Variants in PLCH2 observed in about 807,000 individuals in gnomAD.
PLCH2 encodes the protein 1-phosphatidylinositol 4,5-bisphosphate phosphodiesterase eta-2.
PLCH2 carries 98 observed loss-of-function variants against 134.7 expected under a neutral mutation model. The observed-to-expected ratio is 0.73, with a 90% confidence interval of 0.62 to 0.86. The LOEUF (loss-of-function observed/expected upper bound fraction) is 0.86, where lower values mean the gene tolerates loss of function less well. Among genes scored for constraint, PLCH2 ranks in the 40% least tolerant of loss-of-function variants. PLCH2 has a pLI of 0.00. For synonymous variants in PLCH2, 974 were observed against 827.5 expected (o/e 1.18, Z -3.04); for missense variants, 1,994 against 1,986.6 (o/e 1.00, Z -0.07).
intron 2 of PLCH2, chr1:2,479,484 C>T (rs1387671204): frequency 1.1e-5 from 5 of 453,254 alleles, no homozygotes; most frequent in African/African-American, 5.8e-5. Flanking sequence ...GGTGGATGCT[C>T]TCCCTCGTGG....
intron 2 of PLCH2, among the ~76,000 whole-genome samples, chr1:2,454,416 G>A (rs1015464610): frequency 9.9e-5 from 15 of 152,212 alleles, no homozygotes; most frequent in African/African-American, 3.4e-4. Context: ...GGCAGGAGGC[G>A]GCACCACGTG....
intron 2 of PLCH2, among the ~76,000 whole-genome samples, chr1:2,443,189 C>T (rs867108031): frequency 6.2e-4 from 94 of 152,200 alleles, no homozygotes; most frequent in African/African-American, 2.1e-3. Context: ...GGGTGCCCTG[C>T]CACCCTCTTG....
intron 2 of PLCH2, among the ~76,000 whole-genome samples, chr1:2,433,401 G>A (rs183083660): frequency 7.8e-4 from 119 of 152,354 alleles, no homozygotes; most frequent in Non-Finnish European, 1.4e-3. Context: ...GGCCCATCCG[G>A]GCCGGTGTGC....
At chr1:2,492,951 GGTGA>G (rs1247689627) in intron 11 of PLCH2, 1 of 152,174 alleles carries the variant, frequency 6.6e-6, no homozygotes, top group African/African-American at 2.4e-5. Context: ...AGCACAACCC[GGTGA>G]GTGCTTGTGC....
intron 2 of PLCH2, among the ~76,000 whole-genome samples, chr1:2,452,528 G>A (rs1640293949): frequency 2.0e-5 from 3 of 152,200 alleles, no homozygotes; most frequent in Non-Finnish European, 4.4e-5. Flanking sequence ...GGAGGTGAGG[G>A]CTGGTGCTGA....
At chr1:2,442,511 C>T (rs564499960) in intron 2 of PLCH2, among the ~76,000 whole-genome samples, 2 of 152,258 alleles carry the variant, frequency 1.3e-5, no homozygotes, top group Non-Finnish European at 2.9e-5. Flanking sequence ...CTTTCCTCTC[C>T]CTGGCAGGCA....
At chr1:2,425,660 C>T (rs1339194815), upstream of PLCH2, among the ~76,000 whole-genome samples, 7 of 151,500 alleles carry the variant, frequency 4.6e-5, no homozygotes, top group African/African-American at 1.2e-4. Flanking sequence ...ATTACAGGCA[C>T]GTACCACCGC....
chr1:2,494,362 C>T (rs1642755829), intron 11 of PLCH2: 1 of 180,830 alleles, frequency 5.5e-6, no homozygotes, highest in Admixed American at 5.5e-5. Flanking sequence ...CAGCTCAGAA[C>T]CCGCCTCAGG....
chr1:2,423,713 T>G (rs1028179822), upstream of PLCH2, among the ~76,000 whole-genome samples: 18 of 151,794 alleles, frequency 1.2e-4, no homozygotes, highest in African/African-American at 4.3e-4. Context: ...GTAATTTTAC[T>G]GTTATGCAGG....
In PLCH2 at chr1:2,491,214, T is replaced by C. The variant is rs1001017718; in HGVS notation, c.1538T>C (p.Val513Ala). ...CAGGCATCCACCAATCGAAAGCGTG[T>C]AGAAAACACTGCTAAGAGGAAACTG... is the stretch of plus-strand genomic sequence containing the variant. ...NGDASTNRKR[V>A]ENTAKRKLDS... The change falls in exon 11 of 22, where the codon GTA becomes GCA. Residue 513 changes from valine (V) to alanine (A), a missense_variant. This residue lies in a region of PLCH2 where 1,094 missense variants were observed against 1,234.3 expected (regional missense o/e 0.89). Coordinates refer to ENST00000378486, the MANE Select transcript of PLCH2 (RefSeq NM_014638.4). The C allele has an allele frequency of 3.1e-6, 5 of 1,612,810 alleles. No homozygotes were observed. Among genetic ancestry groups the C allele is most frequent in the Non-Finnish European group, 4.2e-6 (5 of 1,179,752 alleles).
rs555781028 is a variant in PLCH2 at position 2,443,701 on chromosome 1, G to T, written c.115+13072G>T. Among the ~76,000 whole-genome samples the T allele has an allele frequency of 8.8e-3, 1,299 of 148,154 alleles. 48 individuals are homozygous for T. The highest frequency in any genetic ancestry group is 0.055 in the Admixed American group (821 of 14,936). The stretch of plus-strand genomic sequence containing the variant: ...CCCGCGCCCCCGGCCCCCTCCCGGC[G>T]CGGGGCGGGCAGGGGGTGTGGTGCG... On this transcript the variant is annotated intron_variant, in intron 2 of 3. Coordinates refer to the PLCH2 transcript ENST00000609981.
At chr1:2,461,835 G>A (rs1301825725) in intron 2 of PLCH2, among the ~76,000 whole-genome samples, 2 of 151,320 alleles carry the variant, frequency 1.3e-5, no homozygotes, top group East Asian at 2.0e-4. Context: ...CACCATGGAA[G>A]GTGGGCAGGG....
chr1:2,472,437 G>A (rs927247128), upstream of PLCH2, among the ~76,000 whole-genome samples: 3 of 152,206 alleles, frequency 2.0e-5, no homozygotes, highest in African/African-American at 7.2e-5. Context: ...CTGGGGCTGC[G>A]AGGGGCAGGG....
At chr1:2,418,284 A>G in the PLCH2 span, among the ~76,000 whole-genome samples, 1 of 152,246 alleles carries the variant, frequency 6.6e-6, no homozygotes, top group East Asian at 1.9e-4. Context: ...AGCGTCCAGC[A>G]TTCCTCTGGG....
chr1:2,436,560 A>T (rs866050391), intron 2 of PLCH2, among the ~76,000 whole-genome samples: 94 of 34,260 alleles, frequency 2.7e-3, no homozygotes, highest in Non-Finnish European at 3.2e-3. Flanking sequence ...TCCTCCCTCC[A>T]CCTTTCCTCC....
chr1:2,452,865 C>T (rs575374631), intron 2 of PLCH2, among the ~76,000 whole-genome samples: 12 of 152,336 alleles, frequency 7.9e-5, no homozygotes, highest in South Asian at 4.1e-4. Context: ...CTTTGTTGCC[C>T]GGAGCTCAGC....
chr1:2,446,041 AG>A (rs59377883), intron 2 of PLCH2, among the ~76,000 whole-genome samples: 6,609 of 152,116 alleles, frequency 0.043, 282 homozygotes, highest in East Asian at 0.18. Flanking sequence ...CGCCGACGGG[AG>A]GGGGGCTGAG....
intron 2 of PLCH2, among the ~76,000 whole-genome samples, chr1:2,456,509 C>G (rs1166544490): frequency 6.6e-6 from 1 of 152,262 alleles, no homozygotes; most frequent in Non-Finnish European, 1.5e-5. Context: ...ACTGTCACCG[C>G]TGCCGGTGCT....
At chr1:2,494,061 G>A (rs765439451) in intron 11 of PLCH2, among the ~76,000 whole-genome samples, 3 of 152,180 alleles carry the variant, frequency 2.0e-5, no homozygotes, top group African/African-American at 4.8e-5. Flanking sequence ...GCAGGCCCAC[G>A]GCTTTGCTGT....
Sources: allele counts gnomAD v4.1 joint callset (sites outside exome capture counted in the v4.1 genomes callset), GRCh38; gene constraint gnomAD v4.1.1; regional missense constraint gnomAD v4.1.1; transcripts MANE v1.5; gene names NCBI Gene and HGNC (gene_info 2026-07-23, HGNC 2026-07-21).